Variants in SBF2 observed in about 807,000 individuals in gnomAD.
SBF2 encodes myotubularin-related protein 13.
Under a neutral mutation model 225.2 loss-of-function variants are expected in SBF2, and 112 were observed. The ratio of observed to expected loss-of-function variants is 0.50; its 90% CI spans 0.43 to 0.58. The LOEUF is 0.58. Among genes scored for constraint, SBF2 ranks in the 20% least tolerant of loss-of-function variants. SBF2 has a pLI of 0.00. For synonymous variants in SBF2, 763 were observed against 773.3 expected, an observed-to-expected ratio of 0.99 and a Z score of 0.22; for missense variants, 1,996 against 2,206.2, an observed-to-expected ratio of 0.90 and a Z score of 1.91.
In SBF2 at chr11:10,294,014, C is replaced by G. The variant is rs1166689032; in HGVS notation, c.55+1G>C. 7.1e-7 allele frequency: 1 copy of G among 1,400,248 alleles called. No individual in the cohort carries two copies. Among genetic ancestry groups the G allele is most frequent in the Admixed American group, 2.7e-5 (1 of 37,160 alleles). 86.7% of individuals were successfully genotyped at this position (1,400,248 alleles called of 1,614,324 possible). A position where few individuals can be genotyped will look rare whatever the true frequency, so the allele number is the denominator to read the frequency against. The stretch of plus-strand genomic sequence containing the variant: ...GGGGCGGTGCCGCCCCACACCCTTA[C>G]CTGGCTTCTCGTGGTCATAGCCTAC... On this transcript the variant is annotated splice_donor_variant, in intron 1 of 39. Transcript: ENST00000256190. LOFTEE classifies it high-confidence loss of function.
chr11:9,922,428 A>G (rs1476440085), intron 16 of SBF2, among the ~76,000 whole-genome samples: 1 of 152,174 alleles, frequency 6.6e-6, no homozygotes, highest in Non-Finnish European at 1.5e-5. Context: ...CATAGTTTAA[A>G]CTATGACTAT....
intron 22 of SBF2, among the ~76,000 whole-genome samples, chr11:9,847,992 TG>T (rs1271063937): frequency 1.3e-5 from 2 of 151,034 alleles, no homozygotes; most frequent in African/African-American, 4.9e-5. Flanking sequence ...GTGTAGAATC[TG>T]GATTTGCAGA....
intron 1 of SBF2, among the ~76,000 whole-genome samples, chr11:10,286,525 A>G (rs755655489): frequency 2.0e-5 from 3 of 151,946 alleles, no homozygotes; most frequent in Non-Finnish European, 4.4e-5. Flanking sequence ...ACACTCAGCT[A>G]ATTTTTGTAT....
chr11:9,912,186 G>A (rs952698078), intron 16 of SBF2, among the ~76,000 whole-genome samples: 1 of 150,174 alleles, frequency 6.7e-6, no homozygotes, highest in African/African-American at 2.5e-5. Flanking sequence ...ATAGTGGCGG[G>A]TGCCTGTAAT....
chr11:10,137,216 C>T (rs549291079), intron 2 of SBF2, among the ~76,000 whole-genome samples: 1 of 152,106 alleles, frequency 6.6e-6, no homozygotes. Flanking sequence ...ACAGGATATA[C>T]AAAAATACAA....
At chr11:9,973,389 G>T (rs993374448) in intron 13 of SBF2, among the ~76,000 whole-genome samples, 1 of 152,148 alleles carries the variant, frequency 6.6e-6, no homozygotes, top group Non-Finnish European at 1.5e-5. Flanking sequence ...TGATTCCAGA[G>T]AAATGCAAAT....
intron 2 of SBF2, among the ~76,000 whole-genome samples, chr11:10,057,528 T>C (rs914298796): frequency 9.2e-5 from 14 of 152,040 alleles, no homozygotes; most frequent in African/African-American, 3.4e-4. Flanking sequence ...AAACTCTCTA[T>C]CCTGGGATGA....
chr11:10,256,521 A>G (rs1422173946), intron 1 of SBF2, among the ~76,000 whole-genome samples: 1 of 152,242 alleles, frequency 6.6e-6, no homozygotes, highest in Non-Finnish European at 1.5e-5. Flanking sequence ...GAATGGCTTC[A>G]TAACAAAGCA....
chr11:10,111,970 G>C (rs1003807905), intron 2 of SBF2, among the ~76,000 whole-genome samples: 1 of 152,210 alleles, frequency 6.6e-6, no homozygotes, highest in Non-Finnish European at 1.5e-5. Context: ...TCCTATTTCA[G>C]AGGAAAGCAG....
intron 19 of SBF2, 40 bp downstream of exon 19, chr11:9,856,418 G>A: frequency 6.2e-7 from 1 of 1,612,336 alleles, no homozygotes; most frequent in Non-Finnish European, 8.5e-7. Flanking sequence ...CTGGCCCCAA[G>A]AAGAGTAGGA....
At chr11:9,995,488 AT>A (rs1400063982) in intron 9 of SBF2, among the ~76,000 whole-genome samples, 1 of 152,206 alleles carries the variant, frequency 6.6e-6, no homozygotes, top group Non-Finnish European at 1.5e-5. Flanking sequence ...AATAATCCAT[AT>A]TACACAGTTT....
At chr11:10,298,404 T>TA (rs1242876373), upstream of SBF2, among the ~76,000 whole-genome samples, 1 of 152,160 alleles carries the variant, frequency 6.6e-6, no homozygotes, top group Non-Finnish European at 1.5e-5. Flanking sequence ...AAAATTAAAA[T>TA]AAAAAATTTT....
chr11:9,789,068 G>T (rs1852569025), intron 35 of SBF2, 41 bp downstream of exon 35: 1 of 1,569,968 alleles, frequency 6.4e-7, no homozygotes, highest in Admixed American at 1.7e-5. Context: ...ATGCCTCCAG[G>T]GCCCCTGGTG....
chr11:10,244,330 G>A (rs72850420), intron 1 of SBF2, among the ~76,000 whole-genome samples: 8,192 of 152,168 alleles, frequency 0.054, 304 homozygotes, highest in Middle Eastern at 0.14. Context: ...TCATTGTTTT[G>A]CATATGGATA....
chr11:9,807,052 C>T (rs1853894140), intron 32 of SBF2, among the ~76,000 whole-genome samples: 1 of 152,170 alleles, frequency 6.6e-6, no homozygotes, highest in Admixed American at 6.5e-5. Context: ...CATAGTTCTG[C>T]CTTTCTTTCC....
intron 16 of SBF2, chr11:9,959,205 C>G (rs1029665733): frequency 6.4e-6 from 5 of 782,480 alleles, no homozygotes; most frequent in Non-Finnish European, 9.4e-6. Flanking sequence ...GGAATTTCCA[C>G]TGGGCAGGCA....
intron 1 of SBF2, among the ~76,000 whole-genome samples, chr11:10,231,104 GCTA>G (rs1370611080): frequency 2.6e-5 from 4 of 152,038 alleles, no homozygotes; most frequent in African/African-American, 9.7e-5. Flanking sequence ...GATCGAATCG[GCTA>G]CTGAGGCTTG....
At chr11:10,007,638 C>T (rs1026458915) in intron 6 of SBF2, among the ~76,000 whole-genome samples, 5 of 152,020 alleles carry the variant, frequency 3.3e-5, no homozygotes, top group East Asian at 1.9e-4. Flanking sequence ...CTGGCTGGTT[C>T]GGGACACTCC....
At chr11:10,093,752 G>A (rs1190428290) in intron 2 of SBF2, among the ~76,000 whole-genome samples, 3 of 152,158 alleles carry the variant, frequency 2.0e-5, no homozygotes, top group African/African-American at 7.2e-5. Flanking sequence ...AGGTTAGCCT[G>A]AAATACCTTT....
Sources: allele counts gnomAD v4.1 joint callset (sites outside exome capture counted in the v4.1 genomes callset), GRCh38; gene constraint gnomAD v4.1.1; transcripts MANE v1.5; gene names NCBI Gene and HGNC (gene_info 2026-07-23, HGNC 2026-07-21).